Variants in CSGALNACT1 observed in about 807,000 individuals in gnomAD.
CSGALNACT1 encodes the protein chondroitin sulfate N-acetylgalactosaminyltransferase 1.
CSGALNACT1 carries 52 observed loss-of-function variants against 51.0 expected under a neutral mutation model. That is an observed-to-expected ratio of 1.02 (90% CI 0.82 to 1.29). The LOEUF is 1.29. CSGALNACT1 is among the 50% of genes most tolerant of loss of function. The probability of loss-of-function intolerance (pLI) is 0.00; values close to 1 mark genes in which losing one functional copy is unlikely to be tolerated. For missense variants in CSGALNACT1, 935 were observed against 679.2 expected, an observed-to-expected ratio of 1.38 and a Z score of -4.19; for synonymous variants, 341 against 254.4, an observed-to-expected ratio of 1.34 and a Z score of -3.24.
At chr8:19,716,612 CAAAAAAAAAAAAAA>C (rs60464594) in intron 1 of CSGALNACT1, among the ~76,000 whole-genome samples, 6 of 41,968 alleles carry the variant, frequency 1.4e-4, no homozygotes, top group Admixed American at 8.5e-4. Context: ...ACCCTCTCTA[CAAAAAAAAAAAAAA>C]AAAAAAAAAA....
chr8:19,657,343 C>T (rs780153225), intron 1 of CSGALNACT1, among the ~76,000 whole-genome samples: 1 of 147,800 alleles, frequency 6.8e-6, no homozygotes, highest in Non-Finnish European at 1.5e-5. Flanking sequence ...TCTAACAGAT[C>T]CAATCGAATT....
chr8:19,502,411 T>C (rs1252725615), intron 4 of CSGALNACT1, among the ~76,000 whole-genome samples: 1 of 152,224 alleles, frequency 6.6e-6, no homozygotes, highest in African/African-American at 2.4e-5. Context: ...CAAGCTTGCG[T>C]GATCATGCCA....
intron 3 of CSGALNACT1, among the ~76,000 whole-genome samples, chr8:19,576,859 T>C (rs1197997173): frequency 6.6e-6 from 1 of 152,220 alleles, no homozygotes; most frequent in Admixed American, 6.5e-5. Context: ...CCTGTGCAAC[T>C]GGTTATACTG....
rs569067947 is a variant in CSGALNACT1, at chr8:19,514,122, A to G, written c.-296-7992T>C. Among the ~76,000 whole-genome samples the G allele has an allele frequency of 7.9e-5, 12 of 152,268 alleles. No homozygotes were observed. The South Asian group carries it at 2.5e-3, about 32-fold the overall frequency. On this transcript the variant is annotated intron_variant, in intron 3 of 9. Transcript: ENST00000454498. ...TTCTGCTACGTTCCTGACAGCAACT[A>G]AAGCAGATCAGTATTACTGTGTATG...
At chr8:19,657,429 A>ATTCTAG (rs2058383080) in intron 1 of CSGALNACT1, among the ~76,000 whole-genome samples, 1 of 152,218 alleles carries the variant, frequency 6.6e-6, no homozygotes, top group African/African-American at 2.4e-5. Flanking sequence ...AGAATTGACA[A>ATTCTAG]AAAACATCAA....
intron 5 of CSGALNACT1, among the ~76,000 whole-genome samples, chr8:19,445,018 G>A (rs1304140532): frequency 6.6e-6 from 1 of 152,172 alleles, no homozygotes; most frequent in African/African-American, 2.4e-5. Context: ...GTCTCTTTCT[G>A]GTGGAAGAAA....
intron 4 of CSGALNACT1, among the ~76,000 whole-genome samples, chr8:19,487,103 A>C (rs1394777281): frequency 1.3e-5 from 2 of 152,320 alleles, no homozygotes; most frequent in African/African-American, 4.8e-5. Context: ...CCTTCTGAAG[A>C]ATTGCCTCAA....
At chr8:19,431,017 T>A (rs879473878) in intron 6 of CSGALNACT1, among the ~76,000 whole-genome samples, 3 of 152,182 alleles carry the variant, frequency 2.0e-5, no homozygotes, top group African/African-American at 7.2e-5. Context: ...TTAACCTTTG[T>A]ATATTGATCT....
intron 3 of CSGALNACT1, among the ~76,000 whole-genome samples, chr8:19,581,063 A>C (rs1238208863): frequency 6.6e-6 from 1 of 152,236 alleles, no homozygotes; most frequent in Non-Finnish European, 1.5e-5. Context: ...AAAGAGAATA[A>C]TGAGAAAGAA....
chr8:19,467,063 A>G (rs1188041855), intron 4 of CSGALNACT1, among the ~76,000 whole-genome samples: 3 of 150,160 alleles, frequency 2.0e-5, no homozygotes, highest in African/African-American at 7.4e-5. Flanking sequence ...ATGTCTAAGA[A>G]CTCACTTAGA....
intron 1 of CSGALNACT1, among the ~76,000 whole-genome samples, chr8:19,734,749 C>T (rs976856872): frequency 6.6e-6 from 1 of 151,882 alleles, no homozygotes; most frequent in Admixed American, 6.6e-5. Context: ...TATGGCAGAC[C>T]GGATAGCTGA....
intron 3 of CSGALNACT1, among the ~76,000 whole-genome samples, chr8:19,546,888 G>A (rs1478944100): frequency 1.3e-5 from 2 of 152,152 alleles, no homozygotes; most frequent in African/African-American, 4.8e-5. Flanking sequence ...GGTTCAGGGT[G>A]CAGAATGATC....
chr8:19,604,244 G>T (rs998072820), upstream of CSGALNACT1, among the ~76,000 whole-genome samples: 2 of 152,160 alleles, frequency 1.3e-5, no homozygotes, highest in Non-Finnish European at 2.9e-5. Flanking sequence ...TCCAGGAGGT[G>T]ACCTGCAGGT....
intron 6 of CSGALNACT1, among the ~76,000 whole-genome samples, chr8:19,425,219 T>C (rs904705374): frequency 6.6e-6 from 1 of 152,106 alleles, no homozygotes; most frequent in Non-Finnish European, 1.5e-5. Context: ...GTGGCGCCTG[T>C]AGTCCTCACT....
chr8:19,712,192 A>T (rs1404770095), intron 1 of CSGALNACT1, among the ~76,000 whole-genome samples: 1 of 151,998 alleles, frequency 6.6e-6, no homozygotes, highest in African/African-American at 2.4e-5. Flanking sequence ...CGCCCGGCTA[A>T]TTTTTTGTAT....
chr8:19,598,908 T>C (rs1055110954), intron 2 of CSGALNACT1, among the ~76,000 whole-genome samples: 20 of 152,190 alleles, frequency 1.3e-4, no homozygotes, highest in Non-Finnish European at 4.4e-5. Flanking sequence ...ATTCTTTTGT[T>C]TGGTGCCTTA....
intron 3 of CSGALNACT1, among the ~76,000 whole-genome samples, chr8:19,547,591 G>T (rs1409114622): frequency 1.3e-5 from 2 of 152,080 alleles, no homozygotes; most frequent in African/African-American, 2.4e-5. Flanking sequence ...CACCATGATT[G>T]TGAGGCCTCC....
intron 3 of CSGALNACT1, among the ~76,000 whole-genome samples, chr8:19,556,080 TA>T: frequency 6.6e-6 from 1 of 152,180 alleles, no homozygotes; most frequent in Non-Finnish European, 1.5e-5. Flanking sequence ...ACAAACAACA[TA>T]AAAAGGATGA....
chr8:19,519,816 C>T (rs1020748271), intron 3 of CSGALNACT1, among the ~76,000 whole-genome samples: 47 of 152,208 alleles, frequency 3.1e-4, no homozygotes, highest in Admixed American at 2.9e-3. Flanking sequence ...TCTCTCCACC[C>T]ACAATCCTTG....
Sources: gnomAD v4.1 joint callset for allele counts (sites outside exome capture counted in the v4.1 genomes callset) on GRCh38, gnomAD v4.1.1 for gene constraint, MANE v1.5 for transcripts, NCBI Gene and HGNC (gene_info 2026-07-23, HGNC 2026-07-21) for gene names.